METTL22: variants seen among roughly 807,000 people sequenced by gnomAD.
METTL22 encodes methyltransferase 22, Kin17 lysine, also known as methyltransferase-like protein 22.
In METTL22, 51 loss-of-function variants were observed where a neutral mutation model predicts 48.4. The observed-to-expected ratio is 1.05, with a 90% CI of 0.84 to 1.33. The LOEUF (loss-of-function observed/expected upper bound fraction) is 1.33. METTL22 is among the 40% of genes most tolerant of loss of function. METTL22 has a pLI of 0.00. For synonymous variants in METTL22, 255 were observed against 214.1 expected, an observed-to-expected ratio of 1.19 and a Z score of -1.67; for missense variants, 678 against 526.9, an observed-to-expected ratio of 1.29 and a Z score of -2.81.
intron 1 of METTL22, among the ~76,000 whole-genome samples, chr16:8,624,415 C>T (rs1179232721): frequency 6.6e-6 from 1 of 150,448 alleles, no homozygotes; most frequent in Non-Finnish European, 1.5e-5. Context: ...CTCTGCCACC[C>T]AGCCTGGAGT....
chr16:8,659,692 T>C, the METTL22 span, among the ~76,000 whole-genome samples: 1 of 151,382 alleles, frequency 6.6e-6, no homozygotes, highest in African/African-American at 2.4e-5. Flanking sequence ...CACTTGTGTA[T>C]ACAATTGATT....
intron 9 of METTL22, 49 bp downstream of exon 9, chr16:8,642,614 A>C: frequency 6.6e-7 from 1 of 1,513,270 alleles, no homozygotes; most frequent in Non-Finnish European, 9.2e-7. Context: ...GTGTCAGCGG[A>C]ACTCTCACCT....
At chr16:8,627,088 C>T (rs1437121117) in intron 2 of METTL22, among the ~76,000 whole-genome samples, 8 of 152,238 alleles carry the variant, frequency 5.3e-5, no homozygotes, top group East Asian at 1.9e-4. Flanking sequence ...TGTTGCTTGC[C>T]TGGCTGCCTC....
intron 2 of METTL22, among the ~76,000 whole-genome samples, chr16:8,626,724 C>T (rs535043342): frequency 2.1e-4 from 31 of 145,652 alleles, no homozygotes; most frequent in African/African-American, 6.9e-4. Flanking sequence ...GCTGGGATTA[C>T]GGGCATGAAC....
Position 8,646,495 on chromosome 16 carries a change from C to T in METTL22, c.*352C>T, listed in dbSNP as rs2056803602. 2 of 534,884 alleles carry T rather than the reference C, an allele frequency of 3.7e-6. No homozygotes were observed. Among genetic ancestry groups the T allele is most frequent in the Non-Finnish European group, 7.2e-6 (2 of 278,406 alleles). 33.1% of individuals were successfully genotyped at this position (534,884 alleles called of 1,614,324 possible). On this transcript the variant is annotated 3_prime_UTR_variant, in exon 11 of 11. Coordinates refer to ENST00000381920, the MANE Select transcript of METTL22 (RefSeq NM_024109.4). ...TGCGGCCCTGGCTGTGAGGTGGATT[C>T]TTGTACTGCCCTCTGTCAGCTGTTT...
At chr16:8,645,564 C>G (rs1394277951) in intron 10 of METTL22, among the ~76,000 whole-genome samples, 2 of 152,098 alleles carry the variant, frequency 1.3e-5, no homozygotes, top group Non-Finnish European at 2.9e-5. Flanking sequence ...TTGCTTGAAG[C>G]TAGGAGTTCG....
chr16:8,623,147 T>C lies in METTL22; in HGVS notation c.-171+1372T>C, dbSNP rs371261137. Among the ~76,000 whole-genome samples the C allele has an allele frequency of 8.4e-4, 127 of 151,954 alleles. 1 individual carries two copies. Among genetic ancestry groups the C allele is most frequent in the African/African-American group, 3.0e-3 (124 of 41,458 alleles). ...TGGCCAACATGGCAAAACCCCATCT[T>C]TACTAAAAATACAAAAATTAGGTGG... On this transcript the variant is annotated intron_variant, in intron 1 of 10. Coordinates refer to ENST00000381920, the MANE Select transcript of METTL22 (RefSeq NM_024109.4).
At chr16:8,628,323 G>T (rs1217990377) in intron 2 of METTL22, among the ~76,000 whole-genome samples, 1 of 152,136 alleles carries the variant, frequency 6.6e-6, no homozygotes, top group African/African-American at 2.4e-5. Context: ...TCAAAAACTG[G>T]CATAAACCCG....
In METTL22 at chr16:8,628,886, G is replaced by A; in HGVS notation, c.290G>A (p.Gly97Asp). The stretch of plus-strand genomic sequence containing the variant: ...CCAGGAAGTGGCCATGGTAATGAGG[G>A]TTTCTCCCTCCAGGCCGGGACTGAC... Reference protein sequence around the residue: ...SPPGSGHGNEGFSLQAGTDTT... With the variant: ...SPPGSGHGNEDFSLQAGTDTT... Residue 97 changes from glycine to aspartate, a missense_variant, in exon 3 of 11, where the codon GGT becomes GAT. Gly to Asp is a moderately conservative substitution (Grantham distance 94). Transcript: ENST00000381920. The A allele has an allele frequency of 1.2e-6, 2 of 1,614,040 alleles. No homozygotes were observed. Among genetic ancestry groups the A allele is most frequent in the South Asian group, 2.2e-5 (2 of 91,076 alleles).
intron 3 of METTL22, among the ~76,000 whole-genome samples, chr16:8,632,652 C>T (rs1567232724): frequency 6.6e-6 from 1 of 152,206 alleles, no homozygotes; most frequent in Non-Finnish European, 1.5e-5. Context: ...GTCTGCCGAG[C>T]CTGTGCTCTC....
At chr16:8,658,070 G>A in the METTL22 span, among the ~76,000 whole-genome samples, 1 of 152,120 alleles carries the variant, frequency 6.6e-6, no homozygotes, top group Non-Finnish European at 1.5e-5. Context: ...TCCCACCTTG[G>A]CCTCCCAAAG....
chr16:8,626,208 T>G (rs923390124), intron 2 of METTL22, among the ~76,000 whole-genome samples: 4 of 152,154 alleles, frequency 2.6e-5, no homozygotes, highest in Admixed American at 2.6e-4. Context: ...AGGCTGGTTT[T>G]GAACTCCAGG....
intron 3 of METTL22, among the ~76,000 whole-genome samples, chr16:8,633,062 C>T (rs896519057): frequency 6.6e-6 from 1 of 152,020 alleles, no homozygotes. Context: ...GAGGAGGCTA[C>T]GAGCCACACC....
chr16:8,629,181 A>T (rs1415004222), intron 3 of METTL22, 71 bp downstream of exon 3: 1 of 1,547,500 alleles, frequency 6.5e-7, no homozygotes, highest in African/African-American at 1.4e-5. Flanking sequence ...AGGGCTCAGT[A>T]TGATCTGAGC....
chr16:8,642,672 C>T (rs1204488775), intron 9 of METTL22, 107 bp downstream of exon 9: 1 of 1,045,764 alleles, frequency 9.6e-7, no homozygotes, highest in Admixed American at 1.7e-5. Flanking sequence ...CTCAGTGCCA[C>T]TTATTGAGCA....
the METTL22 span, among the ~76,000 whole-genome samples, chr16:8,664,091 T>C: frequency 1.0e-5 from 1 of 97,974 alleles, no homozygotes; most frequent in African/African-American, 5.4e-5. Context: ...AGTTTTTTAA[T>C]TTTTTTTTTT....
chr16:8,634,202 C>T (rs933963776), intron 3 of METTL22, among the ~76,000 whole-genome samples: 8 of 152,204 alleles, frequency 5.3e-5, no homozygotes, highest in Non-Finnish European at 1.0e-4. Flanking sequence ...AGGAGGAGCC[C>T]TCAGAGAACA....
downstream of METTL22, among the ~76,000 whole-genome samples, chr16:8,650,828 C>T (rs2056883554): frequency 6.6e-6 from 1 of 151,786 alleles, no homozygotes. Context: ...AGTTCAAGAC[C>T]AGTCTGGCCA....
intron 3 of METTL22, chr16:8,631,143 C>T (rs1418322903): frequency 1.3e-5 from 2 of 152,196 alleles, no homozygotes; most frequent in Non-Finnish European, 2.9e-5. Flanking sequence ...CAACCCTTTT[C>T]CTCTGACCCG....
Sources: gnomAD v4.1 joint callset for allele counts (sites outside exome capture counted in the v4.1 genomes callset) on GRCh38, gnomAD v4.1.1 for gene constraint, MANE v1.5 for transcripts, NCBI Gene and HGNC (gene_info 2026-07-23, HGNC 2026-07-21) for gene names.